The following CPS1 variants were observed in gnomAD, a reference collection of about 807,000 sequenced individuals.
The protein encoded by CPS1 is carbamoyl-phosphate synthase 1, also known as carbamoyl-phosphate synthase [ammonia], mitochondrial.
Under a neutral mutation model 174.6 loss-of-function variants are expected in CPS1, and 109 were observed. The ratio of observed to expected loss-of-function variants is 0.62; its 90% CI spans 0.53 to 0.73. The LOEUF (loss-of-function observed/expected upper bound fraction) is 0.73. Ranked by LOEUF, CPS1 falls within the 30% of genes least tolerant of loss-of-function variation. The pLI is 0.00. For synonymous variants in CPS1, 637 were observed against 632.0 expected (o/e 1.01, Z -0.12); for missense variants, 1,689 against 1,821.9 (o/e 0.93, Z 1.33).
rs1334345870 is a variant in CPS1, at chr2:210,665,614, C to T, written c.4002+2417C>T. ...CCTTGCAATAGTTTACTGAGAATGACGATTTCCAATATCATCCATGTCCCT... is the reference window on the plus strand; with the variant it reads ...CCTTGCAATAGTTTACTGAGAATGATGATTTCCAATATCATCCATGTCCCT... On this transcript the variant is annotated intron_variant, in intron 33 of 37. Coordinates refer to ENST00000233072, the MANE Select transcript of CPS1 (RefSeq NM_001875.5). Among the ~76,000 whole-genome samples, 12 of 151,672 alleles carry T rather than the reference C, an allele frequency of 7.9e-5. No homozygotes were observed. The East Asian group carries it at 1.9e-3, about 24-fold the overall frequency.
intron 34 of CPS1, chr2:210,674,497 A>AG (rs1186878839): frequency 6.1e-6 from 1 of 163,426 alleles, no homozygotes; most frequent in East Asian, 1.7e-4. Context: ...AAAAAAAAAA[A>AG]AGAAATAAGA....
intron 29 of CPS1, 152 bp from the exon 30 acceptor site, chr2:210,656,373 C>A (rs1574648712): frequency 6.0e-6 from 4 of 671,264 alleles, no homozygotes; most frequent in East Asian, 5.4e-5. Flanking sequence ...AGAGAGGCAG[C>A]ATTTTCTACT....
chr2:210,589,737 G>A (rs1473721285), intron 7 of CPS1, among the ~76,000 whole-genome samples: 10 of 151,886 alleles, frequency 6.6e-5, no homozygotes, highest in Admixed American at 5.9e-4. Flanking sequence ...TTGGCTCGCT[G>A]GAACCTGTGA....
intron 1 of CPS1, among the ~76,000 whole-genome samples, chr2:210,483,452 G>C (rs575059897): frequency 1.8e-4 from 28 of 152,280 alleles, no homozygotes; most frequent in African/African-American, 6.7e-4. Context: ...TTATCTCACT[G>C]TTCCAAGGTC....
chr2:210,584,246 A>C (rs956092505), intron 6 of CPS1, among the ~76,000 whole-genome samples: 1 of 152,104 alleles, frequency 6.6e-6, no homozygotes, highest in Non-Finnish European at 1.5e-5. Context: ...GCCCTGTGGA[A>C]GCCTATGTGG....
At chr2:210,598,492 G>A (rs369394935) in intron 13 of CPS1, among the ~76,000 whole-genome samples, 33 of 151,714 alleles carry the variant, frequency 2.2e-4, no homozygotes, top group South Asian at 1.2e-3. Flanking sequence ...ACACCCATGC[G>A]CTCAAAATAA....
At chr2:210,584,946 T>G (rs1698057612) in intron 6 of CPS1, among the ~76,000 whole-genome samples, 1 of 152,112 alleles carries the variant, frequency 6.6e-6, no homozygotes, top group African/African-American at 2.4e-5. Flanking sequence ...TCTTTTCCCA[T>G]GCTTTCTCCT....
At chr2:210,667,541 T>A (rs1268820321) in intron 33 of CPS1, among the ~76,000 whole-genome samples, 2 of 152,242 alleles carry the variant, frequency 1.3e-5, no homozygotes, top group Non-Finnish European at 2.9e-5. Flanking sequence ...TTAGTTTGTT[T>A]GGAATTGTTT....
intron 1 of CPS1, among the ~76,000 whole-genome samples, chr2:210,491,254 C>T (rs943004771): frequency 6.3e-5 from 9 of 142,254 alleles, no homozygotes; most frequent in African/African-American, 2.4e-4. Context: ...AATGATTTAA[C>T]TGTTGGATAT....
In CPS1 at chr2:210,606,868, T is replaced by G; in HGVS notation, c.2119T>G (p.Ser707Ala). 1.2e-6 allele frequency: 2 copies of G among 1,612,660 alleles called. No homozygotes were observed. The highest frequency in any genetic ancestry group is 1.7e-6 in the Non-Finnish European group (2 of 1,179,106). Reference sequence around the variant, plus strand: ...CATTCAGTTTGCCCTTCATCCTACCTCAATGGAATACTGCATCATTGAAGT... The same window carrying G: ...CATTCAGTTTGCCCTTCATCCTACCGCAATGGAATACTGCATCATTGAAGT... ...CNIQFALHPT[S>A]MEYCIIEVNA... The change falls in exon 18 of 38, where the codon TCA becomes GCA. Residue 707 changes from serine (S) to alanine (A), a missense_variant. Ser to Ala is a moderately conservative substitution (Grantham distance 99, BLOSUM62 1). Transcript: ENST00000233072.
intron 1 of CPS1, among the ~76,000 whole-genome samples, chr2:210,538,004 T>G (rs1696304181): frequency 1.3e-5 from 2 of 152,234 alleles, no homozygotes; most frequent in Admixed American, 1.3e-4. Context: ...ATTTTTCTGG[T>G]AATTAGCAAT....
chr2:210,675,700 G>A (rs1232750347), intron 35 of CPS1, 28 bp from the exon 36 acceptor site: 2 of 1,016,396 alleles, frequency 2.0e-6, no homozygotes, highest in Admixed American at 1.7e-5. Flanking sequence ...CTGTGATACG[G>A]TAATTGATTT....
intron 1 of CPS1, among the ~76,000 whole-genome samples, chr2:210,526,450 T>G (rs935557556): frequency 1.3e-5 from 2 of 151,868 alleles, no homozygotes; most frequent in African/African-American, 4.8e-5. Flanking sequence ...ATTTCTTTGG[T>G]GCCATGGACT....
At chr2:210,499,962 G>T (rs1695098487) in intron 1 of CPS1, among the ~76,000 whole-genome samples, 1 of 152,128 alleles carries the variant, frequency 6.6e-6, no homozygotes, top group Non-Finnish European at 1.5e-5. Context: ...AGGAAAAAAG[G>T]TTTAATTGAC....
At chr2:210,563,364 T>C (rs1053343162) in intron 1 of CPS1, among the ~76,000 whole-genome samples, 1 of 152,182 alleles carries the variant, frequency 6.6e-6, no homozygotes, top group Non-Finnish European at 1.5e-5. Flanking sequence ...TCAACAATTA[T>C]ATAAATAGGA....
chr2:210,610,045 T>C (rs922489195), intron 19 of CPS1, among the ~76,000 whole-genome samples: 7 of 151,996 alleles, frequency 4.6e-5, no homozygotes, highest in African/African-American at 1.7e-4. Flanking sequence ...AATATTAGTT[T>C]TTTCTCCATT....
At chr2:210,566,492 C>T (rs1338043420) in intron 1 of CPS1, among the ~76,000 whole-genome samples, 1 of 152,066 alleles carries the variant, frequency 6.6e-6, no homozygotes, top group Non-Finnish European at 1.5e-5. Flanking sequence ...TTGACCTGGG[C>T]CTGTTGTGGC....
chr2:210,604,249 A>C (rs1371636699), intron 16 of CPS1, among the ~76,000 whole-genome samples: 1 of 151,896 alleles, frequency 6.6e-6, no homozygotes, highest in Admixed American at 6.6e-5. Flanking sequence ...ATTACAGAAA[A>C]ACTTACATTA....
intron 1 of CPS1, among the ~76,000 whole-genome samples, chr2:210,512,353 G>C (rs1695517755): frequency 1.3e-5 from 2 of 150,534 alleles, no homozygotes; most frequent in South Asian, 4.2e-4. Flanking sequence ...TTGTCCCCAT[G>C]CCTCCTTCCC....
Sources: gnomAD v4.1 joint callset for allele counts (sites outside exome capture counted in the v4.1 genomes callset) on GRCh38, gnomAD v4.1.1 for gene constraint, MANE v1.5 for transcripts, NCBI Gene and HGNC (gene_info 2026-07-23, HGNC 2026-07-21) for gene names.